The following KIFAP3 variants were observed in gnomAD, a reference collection of about 807,000 sequenced individuals.
The protein encoded by KIFAP3 is kinesin associated protein 3.
In KIFAP3, 68 loss-of-function variants were observed where a neutral mutation model predicts 106.5. The ratio of observed to expected loss-of-function variants is 0.64; its 90% CI spans 0.53 to 0.78. The LOEUF (loss-of-function observed/expected upper bound fraction) is 0.78. KIFAP3 is among the 30% of genes least tolerant of loss of function. The probability of loss-of-function intolerance (pLI) is 0.00; values close to 1 mark genes in which losing one functional copy is unlikely to be tolerated. For synonymous variants in KIFAP3, 320 were observed against 311.5 expected, an observed-to-expected ratio of 1.03 and a Z score of -0.29; for missense variants, 780 against 941.8, an observed-to-expected ratio of 0.83 and a Z score of 2.25.
At chr1:169,982,625 T>A in intron 14 of KIFAP3, 77 bp downstream of exon 14, 1 of 981,514 alleles carries the variant, frequency 1.0e-6, no homozygotes, top group East Asian at 2.7e-5. Context: ...AGTCACACAA[T>A]ACTGCTCTAG....
intron 16 of KIFAP3, among the ~76,000 whole-genome samples, chr1:169,974,875 C>T (rs1183255672): frequency 2.6e-5 from 4 of 151,782 alleles, no homozygotes; most frequent in Admixed American, 1.3e-4. Flanking sequence ...TATAATCTTC[C>T]CTCAGCAGCC....
chr1:170,051,725 A>G (rs1477399164), intron 2 of KIFAP3, among the ~76,000 whole-genome samples: 2 of 152,216 alleles, frequency 1.3e-5, no homozygotes, highest in Non-Finnish European at 2.9e-5. Context: ...GAAACTGAAC[A>G]ACCTGGTCCT....
chr1:170,026,436 G>C (rs1669106588), intron 8 of KIFAP3, among the ~76,000 whole-genome samples: 1 of 152,172 alleles, frequency 6.6e-6, no homozygotes, highest in Non-Finnish European at 1.5e-5. Flanking sequence ...TGAGAGATAA[G>C]AAATAAATGA....
In KIFAP3 at chr1:169,982,814, A is replaced by G. The variant is rs1199432692; in HGVS notation, c.1560T>C (p.Phe520=). 12 of 1,607,466 alleles carry G rather than the reference A, an allele frequency of 7.5e-6. No individual in the cohort carries two copies. Among genetic ancestry groups the G allele is most frequent in the Non-Finnish European group, 1.0e-5 (12 of 1,175,372 alleles). ...CAAGAGTTCCCAAACATTCAATCAC[A>G]AACTCCTCTTCTTCATCATTAGAGA... ...AQISNDEEEE[F]VIECLGTLAN... The change falls in exon 14 of 20, where the codon TTT becomes TTC. Residue 520 remains phenylalanine (F), a synonymous_variant. Coordinates refer to ENST00000361580, the MANE Select transcript of KIFAP3 (RefSeq NM_014970.4).
intron 15 of KIFAP3, among the ~76,000 whole-genome samples, chr1:169,980,213 T>C (rs1315285490): frequency 6.6e-6 from 1 of 152,032 alleles, no homozygotes; most frequent in Non-Finnish European, 1.5e-5. Context: ...ACACTGAAAA[T>C]ACATTGAGCT....
At chr1:169,939,691 T>A (rs1664002315) in intron 19 of KIFAP3, among the ~76,000 whole-genome samples, 1 of 151,644 alleles carries the variant, frequency 6.6e-6, no homozygotes, top group Non-Finnish European at 1.5e-5. Flanking sequence ...AGAGAAGGAA[T>A]GGCCAGCAAA....
chr1:169,972,791 G>T (rs1665986447), intron 16 of KIFAP3, among the ~76,000 whole-genome samples, 193 bp from the exon 17 acceptor site: 1 of 151,392 alleles, frequency 6.6e-6, no homozygotes, highest in South Asian at 2.1e-4. Flanking sequence ...GGATAGTAGG[G>T]ACATAAAAAA....
intron 19 of KIFAP3, among the ~76,000 whole-genome samples, chr1:169,942,682 G>A (rs1474341835): frequency 6.6e-6 from 1 of 152,148 alleles, no homozygotes; most frequent in Non-Finnish European, 1.5e-5. Flanking sequence ...TGTAACCCAA[G>A]ATGTGACAGT....
chr1:170,002,334 A>G (rs1419970007), intron 10 of KIFAP3, among the ~76,000 whole-genome samples: 1 of 152,190 alleles, frequency 6.6e-6, no homozygotes, highest in Non-Finnish European at 1.5e-5. Context: ...AAACATTTAT[A>G]TCAATATGGA....
At chr1:170,010,927 A>G (rs141462447) in intron 10 of KIFAP3, among the ~76,000 whole-genome samples, 72 of 152,086 alleles carry the variant, frequency 4.7e-4, no homozygotes, top group Middle Eastern at 6.8e-3. Context: ...CTCTTAAAAA[A>G]TAAGTAATTT....
intron 7 of KIFAP3, among the ~76,000 whole-genome samples, chr1:170,033,363 AAAGT>A (rs1419069079): frequency 6.6e-6 from 1 of 151,792 alleles, no homozygotes; most frequent in Non-Finnish European, 1.5e-5. Flanking sequence ...AATTAATATA[AAAGT>A]AAGGTCCACT....
At chr1:170,084,252 C>T (rs969203518) in intron 1 of KIFAP3, among the ~76,000 whole-genome samples, 4 of 152,196 alleles carry the variant, frequency 2.6e-5, no homozygotes, top group Non-Finnish European at 5.9e-5. Context: ...AGATGCAGTA[C>T]AGTGCCTTCT....
intron 15 of KIFAP3, among the ~76,000 whole-genome samples, chr1:169,981,671 CTTGA>C (rs1666531629): frequency 1.3e-5 from 2 of 152,040 alleles, no homozygotes; most frequent in South Asian, 4.1e-4. Context: ...ATGTATTCCC[CTTGA>C]TTAAGTTGTG....
intron 10 of KIFAP3, among the ~76,000 whole-genome samples, chr1:170,002,951 G>A (rs1392728770): frequency 6.6e-6 from 1 of 152,020 alleles, no homozygotes; most frequent in Non-Finnish European, 1.5e-5. Flanking sequence ...CTAATTATAT[G>A]GACTTCTGAA....
chr1:170,010,683 T>C (rs997060431), intron 10 of KIFAP3, among the ~76,000 whole-genome samples: 1 of 152,036 alleles, frequency 6.6e-6, no homozygotes, highest in Admixed American at 6.6e-5. Flanking sequence ...GAGAAGCAGA[T>C]TAACTGTTCA....
chr1:169,982,091 G>A lies in KIFAP3; in HGVS notation c.1679C>T (p.Ala560Val), dbSNP rs1221355777. The change falls in exon 15 of 20, where the codon GCA (alanine) becomes GTA (valine). Residue 560 changes from alanine to valine, a missense_variant. By Grantham distance (64) the Ala-to-Val change is moderately conservative. Transcript: ENST00000361580. ...CACTTCTAAAACAAGATCATCTTCT[G>A]CAGCACCTAGTGAAGTCAAACCATA... is the stretch of plus-strand genomic sequence containing the variant. Reference protein sequence around the residue: ...YLKDKLKPGAAEDDLVLEVVI... With the variant: ...YLKDKLKPGAVEDDLVLEVVI... 1.9e-6 allele frequency: 3 copies of A among 1,612,938 alleles called. No homozygotes were observed. Among genetic ancestry groups the A allele is most frequent in the Non-Finnish European group, 2.5e-6 (3 of 1,179,420 alleles).
chr1:170,026,466 T>C (rs1225946335), intron 8 of KIFAP3, among the ~76,000 whole-genome samples: 1 of 152,152 alleles, frequency 6.6e-6, no homozygotes, highest in Non-Finnish European at 1.5e-5. Flanking sequence ...ATGTTTGCCC[T>C]AGAATATTGC....
chr1:169,969,457 A>G (rs975321341), intron 17 of KIFAP3, among the ~76,000 whole-genome samples: 11 of 152,080 alleles, frequency 7.2e-5, no homozygotes, highest in Admixed American at 4.6e-4. Flanking sequence ...TTAATAAACC[A>G]GCCTTATTAA....
chr1:169,977,999 C>T, intron 16 of KIFAP3, 86 bp downstream of exon 16: 1 of 733,774 alleles, frequency 1.4e-6, no homozygotes, highest in Admixed American at 3.3e-5. Flanking sequence ...GTTATTTCAA[C>T]ATTTGCAAAA....
Sources: allele counts gnomAD v4.1 joint callset (sites outside exome capture counted in the v4.1 genomes callset), GRCh38; gene constraint gnomAD v4.1.1; transcripts MANE v1.5; gene names NCBI Gene and HGNC (gene_info 2026-07-23, HGNC 2026-07-21).